The following VPS13B variants were observed in gnomAD, a reference collection of about 807,000 sequenced individuals.
The protein encoded by VPS13B is intermembrane lipid transfer protein VPS13B.
In VPS13B, 285 loss-of-function variants were observed where a neutral mutation model predicts 426.4. That is an observed-to-expected ratio of 0.67 (90% confidence interval 0.61 to 0.74). The LOEUF (loss-of-function observed/expected upper bound fraction) is 0.74. Among genes scored for constraint, VPS13B ranks in the 30% least tolerant of loss-of-function variants. The pLI is 0.00. For missense variants in VPS13B, 4,537 were observed against 4,782.6 expected, an observed-to-expected ratio of 0.95 and a Z score of 1.51; for synonymous variants, 1,676 against 1,676.4, an observed-to-expected ratio of 1.00 and a Z score of 0.01.
In VPS13B at chr8:99,642,278, T is replaced by G; in HGVS notation, c.5688T>G (p.Leu1896=). ...TAGGGGTCCTCTCTCTTGAAAGTCT[T>G]CATGCATCCACAAGGTCATCTGCTA... ...KKIGVLSLES[L]HASTRSSARQ... is the part of the protein sequence containing the mutation. The change falls in exon 34 of 62, where the codon CTT becomes CTG. Residue 1896 remains leucine, a synonymous_variant. Transcript: ENST00000357162. 3 of 1,614,182 alleles carry G rather than the reference T, an allele frequency of 1.9e-6. No individual in the cohort carries two copies. The highest frequency in any genetic ancestry group is 2.5e-6 in the Non-Finnish European group (3 of 1,180,014).
At chr8:99,428,035 G>A (rs1450662778) in intron 21 of VPS13B, among the ~76,000 whole-genome samples, 2 of 152,182 alleles carry the variant, frequency 1.3e-5, no homozygotes, top group Non-Finnish European at 2.9e-5. Flanking sequence ...AAGAAATGGG[G>A]AAACAATTCC....
intron 3 of VPS13B, 44 bp from the exon 4 acceptor site, chr8:99,096,264 TTGAG>T (rs1248406685): frequency 1.9e-6 from 3 of 1,609,280 alleles, no homozygotes; most frequent in South Asian, 2.2e-5. Context: ...TTCTTAATTC[TTGAG>T]TATGATCGAT....
intron 50 of VPS13B, 56 bp from the exon 51 acceptor site, chr8:99,823,776 G>T: frequency 6.4e-7 from 1 of 1,567,516 alleles, no homozygotes; most frequent in South Asian, 1.1e-5. Flanking sequence ...ATACTCAAGA[G>T]ATTTTGATAT....
At chr8:99,337,013 G>A (rs1408856713) in intron 19 of VPS13B, among the ~76,000 whole-genome samples, 2 of 152,056 alleles carry the variant, frequency 1.3e-5, no homozygotes, top group East Asian at 1.9e-4. Context: ...CCATTACTGG[G>A]TATATACCCA....
At chr8:99,566,237 ATAGTAGGCAC>A (rs1825175843) in intron 31 of VPS13B, among the ~76,000 whole-genome samples, 1 of 152,204 alleles carries the variant, frequency 6.6e-6, no homozygotes, top group South Asian at 2.1e-4. Context: ...ACTGACTGAT[ATAGTAGGCAC>A]TAAAAAATAA....
chr8:99,553,528 A>G (rs115899048), intron 30 of VPS13B, among the ~76,000 whole-genome samples: 2 of 152,092 alleles, frequency 1.3e-5, no homozygotes, highest in African/African-American at 4.8e-5. Context: ...AATAGTCATA[A>G]AATCTACAAG....
chr8:99,803,461 T>C (rs1327101578), intron 43 of VPS13B, among the ~76,000 whole-genome samples: 2 of 152,236 alleles, frequency 1.3e-5, no homozygotes, highest in Admixed American at 1.3e-4. Flanking sequence ...TTTCTCTTTT[T>C]CTTTTTCCTA....
At chr8:99,418,442 C>T (rs1021236819) in intron 21 of VPS13B, among the ~76,000 whole-genome samples, 1 of 151,048 alleles carries the variant, frequency 6.6e-6, no homozygotes, top group African/African-American at 2.4e-5. Flanking sequence ...GAACAGTTAA[C>T]ACTTTATCAT....
At chr8:99,380,569 G>A (rs761340326) in intron 19 of VPS13B, among the ~76,000 whole-genome samples, 1 of 151,766 alleles carries the variant, frequency 6.6e-6, no homozygotes, top group Non-Finnish European at 1.5e-5. Context: ...TGGGCCCATG[G>A]AAAAAATAGA....
At chr8:99,142,057 A>G (rs994092081) in intron 12 of VPS13B, among the ~76,000 whole-genome samples, 1 of 152,126 alleles carries the variant, frequency 6.6e-6, no homozygotes, top group Admixed American at 6.5e-5. Flanking sequence ...TCAAAAATAA[A>G]TAAATAAAAA....
chr8:99,131,678 C>T (rs774067986), intron 8 of VPS13B, among the ~76,000 whole-genome samples: 1 of 152,102 alleles, frequency 6.6e-6, no homozygotes, highest in Non-Finnish European at 1.5e-5. Flanking sequence ...TGCTAACAAT[C>T]ATCTACACTT....
At chr8:99,369,813 T>G (rs1336881150) in intron 19 of VPS13B, among the ~76,000 whole-genome samples, 2 of 152,188 alleles carry the variant, frequency 1.3e-5, no homozygotes, top group Non-Finnish European at 2.9e-5. Context: ...CCTTTTCTTC[T>G]CCCTCCTTTT....
chr8:99,630,435 A>C (rs911515125), intron 33 of VPS13B, among the ~76,000 whole-genome samples: 1 of 151,958 alleles, frequency 6.6e-6, no homozygotes, highest in African/African-American at 2.4e-5. Flanking sequence ...GTCCTGGTTT[A>C]GGTATGTCCA....
At chr8:99,568,448 G>A (rs1383328316) in intron 31 of VPS13B, among the ~76,000 whole-genome samples, 5 of 151,678 alleles carry the variant, frequency 3.3e-5, no homozygotes, top group African/African-American at 9.7e-5. Flanking sequence ...ACGCCACCAC[G>A]CCTGGCTAAC....
chr8:99,774,725 A>G (rs990823609), intron 40 of VPS13B, among the ~76,000 whole-genome samples: 6 of 152,156 alleles, frequency 3.9e-5, no homozygotes, highest in African/African-American at 4.8e-5. Context: ...CACATGTACA[A>G]CTAATATATT....
intron 16 of VPS13B, among the ~76,000 whole-genome samples, chr8:99,177,113 T>C (rs902704771): frequency 6.6e-6 from 1 of 152,090 alleles, no homozygotes; most frequent in Non-Finnish European, 1.5e-5. Flanking sequence ...AAGTGATGAG[T>C]GCTCACAGAC....
chr8:99,128,636 T>C (rs994344889), intron 8 of VPS13B, among the ~76,000 whole-genome samples: 8 of 152,034 alleles, frequency 5.3e-5, no homozygotes, highest in Non-Finnish European at 7.4e-5. Context: ...ATGTCTGCAT[T>C]TTTGTAAAGG....
chr8:99,122,637 T>C (rs1253793170), intron 8 of VPS13B, among the ~76,000 whole-genome samples: 1 of 152,216 alleles, frequency 6.6e-6, no homozygotes, highest in Non-Finnish European at 1.5e-5. Flanking sequence ...ACATGTAATA[T>C]TCCTGAATAA....
At chr8:99,237,627 G>A (rs1291572858) in intron 17 of VPS13B, among the ~76,000 whole-genome samples, 1 of 151,994 alleles carries the variant, frequency 6.6e-6, no homozygotes, top group African/African-American at 2.4e-5. Context: ...ATACCACAGG[G>A]ATATAGAATT....
Sources: gnomAD v4.1 joint callset for allele counts (sites outside exome capture counted in the v4.1 genomes callset) on GRCh38, gnomAD v4.1.1 for gene constraint, MANE v1.5 for transcripts, NCBI Gene and HGNC (gene_info 2026-07-23, HGNC 2026-07-21) for gene names.